DCC: variants seen among roughly 807,000 people sequenced by gnomAD.
DCC encodes the protein netrin receptor DCC.
Under a neutral mutation model 172.5 loss-of-function variants are expected in DCC, and 58 were observed. The ratio of observed to expected loss-of-function variants is 0.34; its 90% CI spans 0.27 to 0.42. The LOEUF (loss-of-function observed/expected upper bound fraction) is 0.42. Ranked by LOEUF, DCC falls within the 10% of genes least tolerant of loss-of-function variation. The probability of loss-of-function intolerance (pLI) is 1.00; values close to 1 mark genes in which losing one functional copy is unlikely to be tolerated. For synonymous variants in DCC, 709 were observed against 644.5 expected (o/e 1.10, Z -1.52); for missense variants, 1,740 against 1,791.0 (o/e 0.97, Z 0.51).
intron 13 of DCC, among the ~76,000 whole-genome samples, chr18:53,309,950 A>G (rs60650769): frequency 1.0e-5 from 1 of 98,328 alleles, no homozygotes; most frequent in African/African-American, 3.5e-5. Flanking sequence ...ATATACATGT[A>G]TATATACGTG....
At chr18:53,475,242 C>T (rs1364006776) in intron 25 of DCC, among the ~76,000 whole-genome samples, 1 of 152,186 alleles carries the variant, frequency 6.6e-6, no homozygotes, top group Admixed American at 6.5e-5. Context: ...AAGAAAATCC[C>T]ATTTTCTGAG....
chr18:52,846,208 G>T (rs1306476179), intron 2 of DCC, among the ~76,000 whole-genome samples: 1 of 152,138 alleles, frequency 6.6e-6, no homozygotes, highest in African/African-American at 2.4e-5. Flanking sequence ...ACAGTACTAT[G>T]AAAGGGAAAG....
chr18:52,742,579 A>G (rs943686409), intron 1 of DCC, among the ~76,000 whole-genome samples: 1 of 152,212 alleles, frequency 6.6e-6, no homozygotes, highest in South Asian at 2.1e-4. Flanking sequence ...ACCACTGCTA[A>G]GCATTACAGT....
At chr18:52,803,061 C>A (rs1195876844) in intron 2 of DCC, among the ~76,000 whole-genome samples, 1 of 152,130 alleles carries the variant, frequency 6.6e-6, no homozygotes, top group Non-Finnish European at 1.5e-5. Context: ...GTGGGCAATG[C>A]AGCTGCAGAG....
At chr18:52,606,191 A>G (rs2034127014) in intron 1 of DCC, among the ~76,000 whole-genome samples, 1 of 152,122 alleles carries the variant, frequency 6.6e-6, no homozygotes, top group Admixed American at 6.6e-5. Context: ...TGTTCCCCAG[A>G]AGAAACAGAA....
intron 12 of DCC, among the ~76,000 whole-genome samples, chr18:53,223,897 C>T (rs2144598165): frequency 6.6e-6 from 1 of 152,158 alleles, no homozygotes. Flanking sequence ...GTAACCTTTC[C>T]CAAAGGTATT....
chr18:53,198,366 G>A (rs1174385912), intron 9 of DCC, among the ~76,000 whole-genome samples: 1 of 151,892 alleles, frequency 6.6e-6, no homozygotes, highest in Non-Finnish European at 1.5e-5. Flanking sequence ...CATAGGTAGA[G>A]TAGGGATAAA....
rs952416745 is a variant in DCC, at chr18:53,162,860, C to T, written c.1418+5348C>T. Among the ~76,000 whole-genome samples the T allele has an allele frequency of 4.6e-5, 7 of 152,134 alleles. 1 individual carries two copies. Among genetic ancestry groups the T allele is most frequent in the Admixed American group, 4.6e-4 (7 of 15,272 alleles). On this transcript the variant is annotated intron_variant, in intron 8 of 28. Coordinates refer to ENST00000442544, the MANE Select transcript of DCC (RefSeq NM_005215.4). ...TTCTCCTCACCAGAATATAATATTCCTATGGGCAAGGCTGTTTTTATCTTC... is the reference window on the plus strand; with the variant it reads ...TTCTCCTCACCAGAATATAATATTCTTATGGGCAAGGCTGTTTTTATCTTC...
intron 1 of DCC, among the ~76,000 whole-genome samples, chr18:52,599,670 C>A (rs982185109): frequency 1.3e-5 from 2 of 152,110 alleles, no homozygotes; most frequent in South Asian, 4.1e-4. Context: ...GCTGCTACCA[C>A]GCCTGACTAA....
chr18:52,631,687 G>T (rs149527889), intron 1 of DCC, among the ~76,000 whole-genome samples: 1 of 152,166 alleles, frequency 6.6e-6, no homozygotes, highest in Non-Finnish European at 1.5e-5. Flanking sequence ...CATTGGTCTG[G>T]AAAAGAGGTA....
At chr18:53,024,886 C>T (rs879727369) in intron 5 of DCC, among the ~76,000 whole-genome samples, 1 of 152,096 alleles carries the variant, frequency 6.6e-6, no homozygotes, top group Non-Finnish European at 1.5e-5. Flanking sequence ...AAAAATAAAA[C>T]ACTCTACCTG....
chr18:53,377,401 A>C (rs1201232411), intron 15 of DCC, among the ~76,000 whole-genome samples: 1 of 136,148 alleles, frequency 7.3e-6, no homozygotes, highest in African/African-American at 2.8e-5. Flanking sequence ...AAGAAGGCCA[A>C]ACTCATCCTT....
chr18:52,692,879 A>C (rs1406187450), intron 1 of DCC, among the ~76,000 whole-genome samples: 1 of 152,220 alleles, frequency 6.6e-6, no homozygotes, highest in African/African-American at 2.4e-5. Context: ...AATTATAAAA[A>C]ATGAGAGGCA....
intron 15 of DCC, among the ~76,000 whole-genome samples, chr18:53,342,703 G>A (rs1030332208): frequency 2.1e-5 from 3 of 144,516 alleles, no homozygotes; most frequent in Non-Finnish European, 3.0e-5. Flanking sequence ...TGTATATGTA[G>A]GAATATACAT....
chr18:52,389,532 G>A (rs1420944715), intron 1 of DCC, among the ~76,000 whole-genome samples: 1 of 152,080 alleles, frequency 6.6e-6, no homozygotes, highest in African/African-American at 2.4e-5. Context: ...CCTGTCAATA[G>A]TGATGAGATT....
At chr18:53,240,084 C>G (rs1024685927) in intron 12 of DCC, among the ~76,000 whole-genome samples, 2 of 141,066 alleles carry the variant, frequency 1.4e-5, no homozygotes, top group Non-Finnish European at 3.1e-5. Flanking sequence ...GTGTAATATG[C>G]AATCAAAAGC....
At chr18:53,379,596 G>A (rs1414354159) in intron 15 of DCC, among the ~76,000 whole-genome samples, 1 of 152,038 alleles carries the variant, frequency 6.6e-6, no homozygotes, top group Non-Finnish European at 1.5e-5. Flanking sequence ...CAAGTCTCAG[G>A]GGAAGGAGAA....
At chr18:52,830,246 C>G (rs2073300401) in intron 2 of DCC, among the ~76,000 whole-genome samples, 1 of 152,156 alleles carries the variant, frequency 6.6e-6, no homozygotes, top group African/African-American at 2.4e-5. Context: ...TGGTCCAACA[C>G]AAACTCACAA....
chr18:53,184,645 A>G (rs959041334), intron 9 of DCC, among the ~76,000 whole-genome samples: 1 of 152,150 alleles, frequency 6.6e-6, no homozygotes, highest in African/African-American at 2.4e-5. Flanking sequence ...AGAAAAGGTA[A>G]TGCATTGCAT....
Sources: gnomAD v4.1 joint callset for allele counts (sites outside exome capture counted in the v4.1 genomes callset) on GRCh38, gnomAD v4.1.1 for gene constraint, MANE v1.5 for transcripts, NCBI Gene and HGNC (gene_info 2026-07-23, HGNC 2026-07-21) for gene names.